The following MAPRE2 variants were observed in gnomAD, a reference collection of about 807,000 sequenced individuals.
The protein encoded by MAPRE2 is microtubule associated protein RP/EB family member 2, also known as microtubule-associated protein RP/EB family member 2.
In MAPRE2, 13 loss-of-function variants were observed where a neutral mutation model predicts 43.2. That is an observed-to-expected ratio of 0.30 (90% confidence interval 0.20 to 0.48). The LOEUF (loss-of-function observed/expected upper bound fraction) is 0.48. Among genes scored for constraint, MAPRE2 ranks in the 20% least tolerant of loss-of-function variants. The probability of loss-of-function intolerance (pLI) is 0.99; values close to 1 mark genes in which losing one functional copy is unlikely to be tolerated. For missense variants in MAPRE2, 161 were observed against 400.2 expected, an observed-to-expected ratio of 0.40 and a Z score of 5.10; for synonymous variants, 135 against 148.8, an observed-to-expected ratio of 0.91 and a Z score of 0.68.
chr18:34,986,808 T>C (rs1467346591), intron 1 of MAPRE2, among the ~76,000 whole-genome samples: 1 of 152,196 alleles, frequency 6.6e-6, no homozygotes. Flanking sequence ...CCAGTTAAAT[T>C]TGATTTTAGA....
chr18:34,985,491 T>C (rs143872514), intron 1 of MAPRE2, among the ~76,000 whole-genome samples: 34,463 of 45,574 alleles, frequency 0.76, 14,017 homozygotes, highest in East Asian at 0.95. Flanking sequence ...ATATATATTG[T>C]ATATTATATA....
chr18:35,104,565 A>C (rs1440819116), intron 4 of MAPRE2, among the ~76,000 whole-genome samples: 3 of 152,136 alleles, frequency 2.0e-5, no homozygotes, highest in Non-Finnish European at 4.4e-5. Context: ...ATGACGCTAA[A>C]GCTGAAAGGA....
chr18:35,028,456 G>A (rs1304038473), intron 2 of MAPRE2, among the ~76,000 whole-genome samples: 2 of 152,084 alleles, frequency 1.3e-5, no homozygotes, highest in Non-Finnish European at 2.9e-5. Flanking sequence ...AATATATAAT[G>A]TATACTATAT....
chr18:35,073,512 T>C (rs893154517), intron 2 of MAPRE2, among the ~76,000 whole-genome samples: 2 of 152,214 alleles, frequency 1.3e-5, no homozygotes, highest in African/African-American at 4.8e-5. Flanking sequence ...TTTAGCAGTA[T>C]GCCCAGGAAA....
chr18:35,025,073 A>G (rs958333975), intron 2 of MAPRE2, among the ~76,000 whole-genome samples: 3 of 152,172 alleles, frequency 2.0e-5, no homozygotes, highest in African/African-American at 7.2e-5. Context: ...TGTGTCCTTT[A>G]TAGAGTATTT....
At chr18:35,126,470 C>T (rs1030314616) in intron 4 of MAPRE2, among the ~76,000 whole-genome samples, 3 of 152,152 alleles carry the variant, frequency 2.0e-5, no homozygotes, top group Non-Finnish European at 4.4e-5. Context: ...TGTCATTGCT[C>T]TTAGGTACTT....
intron 4 of MAPRE2, among the ~76,000 whole-genome samples, chr18:35,125,353 G>C (rs1909861988): frequency 2.0e-5 from 3 of 152,206 alleles, no homozygotes; most frequent in Admixed American, 1.3e-4. Context: ...CTAATAAACT[G>C]TGAAGTTGGA....
intron 2 of MAPRE2, among the ~76,000 whole-genome samples, chr18:35,089,060 T>G (rs1270881203): frequency 6.6e-6 from 1 of 152,228 alleles, no homozygotes; most frequent in Non-Finnish European, 1.5e-5. Context: ...GGAGCATATT[T>G]GCAGGATTTA....
intron 2 of MAPRE2, among the ~76,000 whole-genome samples, chr18:35,082,518 G>A (rs1193292931): frequency 6.6e-6 from 1 of 151,802 alleles, no homozygotes; most frequent in Non-Finnish European, 1.5e-5. Flanking sequence ...TCAAACGCAC[G>A]TTTCACTTAT....
At chr18:35,101,802 G>T (rs1908693994) in intron 3 of MAPRE2, 144 bp from the exon 4 acceptor site, 2 of 613,888 alleles carry the variant, frequency 3.3e-6, no homozygotes, top group Admixed American at 6.4e-5. Context: ...TGGACACTTA[G>T]GTTGCTTCCA....
intron 4 of MAPRE2, among the ~76,000 whole-genome samples, chr18:35,109,290 T>G (rs1909059617): frequency 6.6e-6 from 1 of 152,162 alleles, no homozygotes; most frequent in Non-Finnish European, 1.5e-5. Flanking sequence ...GTGGTGTTAT[T>G]TCTGAGGTCT....
intron 2 of MAPRE2, among the ~76,000 whole-genome samples, chr18:35,032,510 G>A (rs1490157084): frequency 1.3e-5 from 2 of 152,162 alleles, no homozygotes; most frequent in South Asian, 2.1e-4. Context: ...TGGAGAAGTG[G>A]AGGGATGATG....
chr18:35,086,662 G>C (rs1907896246), intron 2 of MAPRE2, among the ~76,000 whole-genome samples: 1 of 150,784 alleles, frequency 6.6e-6, no homozygotes, highest in Admixed American at 6.6e-5. Flanking sequence ...AAGCAGCATA[G>C]AAAAAAGGAA....
chr18:35,132,754 A>G lies in MAPRE2; in HGVS notation c.909+564A>G, dbSNP rs1224056572. On this transcript the variant is annotated intron_variant, in intron 6 of 6. Transcript: ENST00000300249. ...CTATTCACAAGTGCTGCTATTCACAAGTGCTGATGGAGACCCAGGATGTGG... is the reference window on the plus strand; with the variant it reads ...CTATTCACAAGTGCTGCTATTCACAGGTGCTGATGGAGACCCAGGATGTGG... Among the ~76,000 whole-genome samples the G allele has an allele frequency of 2.0e-5, 3 of 152,218 alleles. No homozygotes were observed. In the East Asian group the frequency reaches 5.8e-4, roughly 29 times the overall value.
intron 6 of MAPRE2, among the ~76,000 whole-genome samples, chr18:35,133,076 C>A (rs1377640965): frequency 1.3e-5 from 2 of 152,136 alleles, no homozygotes; most frequent in East Asian, 3.8e-4. Flanking sequence ...TTCTGAGGGC[C>A]TCCAGTGGAG....
At chr18:34,993,192 AC>A (rs2097024647) in intron 1 of MAPRE2, among the ~76,000 whole-genome samples, 1 of 151,136 alleles carries the variant, frequency 6.6e-6, no homozygotes, top group South Asian at 2.1e-4. Flanking sequence ...GCAGCTTCAA[AC>A]TCCCGGGCTC....
chr18:35,071,574 ATT>A (rs904831767), intron 2 of MAPRE2, among the ~76,000 whole-genome samples: 4 of 152,182 alleles, frequency 2.6e-5, no homozygotes, highest in Non-Finnish European at 4.4e-5. Flanking sequence ...ACTGAAATGT[ATT>A]TGTGTGAAAT....
At chr18:35,009,463 G>C (rs781346349) in intron 2 of MAPRE2, among the ~76,000 whole-genome samples, 83 of 152,188 alleles carry the variant, frequency 5.5e-4, no homozygotes, top group Non-Finnish European at 6.5e-4. Context: ...CACAAGGTTA[G>C]GGATGAATGC....
intron 3 of MAPRE2, among the ~76,000 whole-genome samples, chr18:35,100,993 C>T (rs1460514064): frequency 3.9e-5 from 6 of 152,270 alleles, no homozygotes; most frequent in Admixed American, 1.3e-4. Flanking sequence ...CAGCCGAGAT[C>T]GTGCCATTGC....
Sources: allele counts gnomAD v4.1 joint callset (sites outside exome capture counted in the v4.1 genomes callset), GRCh38; gene constraint gnomAD v4.1.1; transcripts MANE v1.5; gene names NCBI Gene and HGNC (gene_info 2026-07-23, HGNC 2026-07-21).